The following RAPGEF2 variants were observed in gnomAD, a reference collection of about 807,000 sequenced individuals.
The protein encoded by RAPGEF2 is PDZ domain containing guanine nucleotide exchange factor (GEF) 1.
RAPGEF2 carries 54 observed loss-of-function variants against 186.7 expected under a neutral mutation model. That is an observed-to-expected ratio of 0.29 (90% CI 0.23 to 0.36). RAPGEF2 has a LOEUF of 0.36. RAPGEF2 is among the 10% of genes least tolerant of loss of function. The probability of loss-of-function intolerance (pLI) is 1.00; values close to 1 mark genes in which losing one functional copy is unlikely to be tolerated. For synonymous variants in RAPGEF2, 712 were observed against 705.9 expected, an observed-to-expected ratio of 1.01 and a Z score of -0.14; for missense variants, 1,532 against 2,045.0, an observed-to-expected ratio of 0.75 and a Z score of 4.84.
intron 7 of RAPGEF2, among the ~76,000 whole-genome samples, chr4:159,272,992 G>A (rs72967709): frequency 6.6e-6 from 1 of 152,110 alleles, no homozygotes; most frequent in African/African-American, 2.4e-5. Flanking sequence ...TGTAAACATT[G>A]GGTAGAGTGT....
At chr4:159,247,417 A>G (rs978857476) in intron 7 of RAPGEF2, among the ~76,000 whole-genome samples, 4 of 152,190 alleles carry the variant, frequency 2.6e-5, no homozygotes, top group Non-Finnish European at 2.9e-5. Flanking sequence ...TCAAAGAAAG[A>G]TATTTTGTAC....
intron 7 of RAPGEF2, among the ~76,000 whole-genome samples, chr4:159,289,534 T>C (rs1419882458): frequency 1.3e-5 from 2 of 152,208 alleles, no homozygotes; most frequent in Admixed American, 6.5e-5. Flanking sequence ...CCCTGTTCAA[T>C]TTCTCTCAGC....
chr4:159,166,559 A>G (rs79869486), intron 1 of RAPGEF2, among the ~76,000 whole-genome samples: 2 of 152,188 alleles, frequency 1.3e-5, no homozygotes, highest in Non-Finnish European at 2.9e-5. Context: ...TAACACAGCC[A>G]TTGCTACAGA....
intron 4 of RAPGEF2, among the ~76,000 whole-genome samples, chr4:159,223,938 A>G (rs1320392618): frequency 6.6e-6 from 1 of 151,414 alleles, no homozygotes; most frequent in Non-Finnish European, 1.5e-5. Context: ...TCGCTCTGCC[A>G]CCCAGCCTGG....
chr4:159,272,836 A>G (rs1226481068), intron 7 of RAPGEF2, among the ~76,000 whole-genome samples: 2 of 152,258 alleles, frequency 1.3e-5, no homozygotes, highest in Non-Finnish European at 2.9e-5. Context: ...TTAGAATACC[A>G]GATAAATTAA....
At chr4:159,191,664 G>C (rs548984351) in intron 2 of RAPGEF2, among the ~76,000 whole-genome samples, 1 of 152,074 alleles carries the variant, frequency 6.6e-6, no homozygotes, top group Non-Finnish European at 1.5e-5. Context: ...GCTTGAACCC[G>C]GGAGGTGGAG....
chr4:159,253,610 C>T (rs1160055870), intron 7 of RAPGEF2, among the ~76,000 whole-genome samples: 1 of 151,992 alleles, frequency 6.6e-6, no homozygotes, highest in Non-Finnish European at 1.5e-5. Context: ...TAGAAAATAC[C>T]TGCCAGATAC....
chr4:159,193,457 A>G (rs998435237), intron 3 of RAPGEF2, among the ~76,000 whole-genome samples: 10 of 152,206 alleles, frequency 6.6e-5, no homozygotes. Flanking sequence ...ATTTGTGTCT[A>G]TATTTGTATC....
chr4:159,136,766 C>A (rs1394871683), intron 1 of RAPGEF2, among the ~76,000 whole-genome samples: 3 of 152,086 alleles, frequency 2.0e-5, no homozygotes, highest in Non-Finnish European at 4.4e-5. Flanking sequence ...ACATTATTTT[C>A]TTTCAACTGA....
In RAPGEF2 at chr4:159,314,697, C is replaced by T; in HGVS notation, c.782C>T (p.Pro261Leu). 6.2e-7 allele frequency: 1 copy of T among 1,613,444 alleles called. No homozygotes were observed. Among genetic ancestry groups the T allele is most frequent in the Non-Finnish European group, 8.5e-7 (1 of 1,179,468 alleles). Residue 261 changes from proline (P) to leucine (L), a missense_variant, in exon 9 of 30, where the codon CCT becomes CTT. Transcript: ENST00000691494. Reference sequence around the variant, plus strand: ...GAAGACATTGAGAGAGCATCAGATCCTCTGATGAGCAGGGACATTGTGAGA... The same window carrying T: ...GAAGACATTGAGAGAGCATCAGATCTTCTGATGAGCAGGGACATTGTGAGA... ...DEEDIERASD[P>L]LMSRDIVRDC...
At chr4:159,343,977 T>G in intron 22 of RAPGEF2, 59 bp from the exon 23 acceptor site, 2 of 1,505,016 alleles carry the variant, frequency 1.3e-6, no homozygotes, top group Non-Finnish European at 1.9e-6. Context: ...TCTGAGCTTG[T>G]GATCTTTCTG....
intron 1 of RAPGEF2, among the ~76,000 whole-genome samples, chr4:159,159,820 T>C (rs1166610573): frequency 6.6e-6 from 1 of 152,252 alleles, no homozygotes; most frequent in East Asian, 1.9e-4. Context: ...ATCCTATTTA[T>C]AGATGGAAGC....
At chr4:159,336,444 A>G (rs1022998057) in intron 17 of RAPGEF2, among the ~76,000 whole-genome samples, 3 of 152,188 alleles carry the variant, frequency 2.0e-5, no homozygotes, top group Non-Finnish European at 4.4e-5. Context: ...CCACCATTAT[A>G]TCACTTAGAA....
intron 7 of RAPGEF2, among the ~76,000 whole-genome samples, chr4:159,287,731 A>G (rs1378085504): frequency 6.6e-6 from 1 of 152,190 alleles, no homozygotes; most frequent in Non-Finnish European, 1.5e-5. Context: ...TAAAATTAAT[A>G]ATAGTTTACA....
At chr4:159,235,325 A>G (rs1013536796) in intron 4 of RAPGEF2, among the ~76,000 whole-genome samples, 2 of 152,112 alleles carry the variant, frequency 1.3e-5, no homozygotes, top group Admixed American at 1.3e-4. Context: ...TAATGCATTC[A>G]AAGACTTCGT....
intron 7 of RAPGEF2, among the ~76,000 whole-genome samples, chr4:159,300,798 G>C (rs73859123): frequency 0.019 from 2,925 of 152,258 alleles, 117 homozygotes; most frequent in African/African-American, 0.067. Flanking sequence ...GATGCTTGCT[G>C]TCACGTTGTG....
chr4:159,294,781 T>G (rs114423854), intron 7 of RAPGEF2, among the ~76,000 whole-genome samples: 172 of 152,184 alleles, frequency 1.1e-3, no homozygotes, highest in African/African-American at 3.8e-3. Flanking sequence ...CAGTGCAAAC[T>G]CTGCCTCCCA....
At chr4:159,127,590 T>C (rs1740492281) in intron 1 of RAPGEF2, among the ~76,000 whole-genome samples, 1 of 152,182 alleles carries the variant, frequency 6.6e-6, no homozygotes, top group Admixed American at 6.5e-5. Flanking sequence ...AATTATTAAG[T>C]GTACATATCT....
chr4:159,292,877 C>G (rs2110969175), intron 7 of RAPGEF2, among the ~76,000 whole-genome samples: 1 of 152,218 alleles, frequency 6.6e-6, no homozygotes, highest in East Asian at 1.9e-4. Flanking sequence ...CTGAACAACT[C>G]CATATATTTC....
Sources: gnomAD v4.1 joint callset for allele counts (sites outside exome capture counted in the v4.1 genomes callset) on GRCh38, gnomAD v4.1.1 for gene constraint, MANE v1.5 for transcripts, NCBI Gene and HGNC (gene_info 2026-07-23, HGNC 2026-07-21) for gene names.